Variants in CDH9 observed in about 807,000 individuals in gnomAD.
The protein encoded by CDH9 is cadherin-9.
Under a neutral mutation model 70.9 loss-of-function variants are expected in CDH9, and 28 were observed. The observed-to-expected ratio is 0.40, with a 90% CI of 0.29 to 0.54. CDH9 has a LOEUF of 0.54. Among genes scored for constraint, CDH9 ranks in the 20% least tolerant of loss-of-function variants. The pLI, the probability that CDH9 is intolerant of heterozygous loss-of-function variation, is 0.59. For synonymous variants in CDH9, 409 were observed against 343.1 expected, an observed-to-expected ratio of 1.19 and a Z score of -2.12; for missense variants, 874 against 984.4, an observed-to-expected ratio of 0.89 and a Z score of 1.50.
At position 26,881,638 on chromosome 5, in the gene CDH9, T is replaced by G; in HGVS notation, c.1883-15A>C. 2 of 1,589,422 alleles carry G rather than the reference T, an allele frequency of 1.3e-6. No homozygotes were observed. The highest frequency in any genetic ancestry group is 1.7e-6 in the Non-Finnish European group (2 of 1,172,752). ...CACGACTAAAACTATTAATAAGAAA[T>G]GGGAAAATAGTGAGATTTCATGAGT... On this transcript the variant is annotated splice_polypyrimidine_tract_variant and intron_variant, in intron 11 of 11. Transcript: ENST00000231021.
intron 2 of CDH9, among the ~76,000 whole-genome samples, chr5:26,927,078 G>T (rs969576502): frequency 6.6e-6 from 1 of 151,918 alleles, no homozygotes; most frequent in Non-Finnish European, 1.5e-5. Context: ...GTTTATTCCT[G>T]GGATGCAAGG....
At position 26,907,809 on chromosome 5, in the gene CDH9, A is replaced by T. The variant is rs1740976647; in HGVS notation, c.524-971T>A. Among the ~76,000 whole-genome samples, 3 of 152,208 alleles carry T rather than the reference A, an allele frequency of 2.0e-5. No homozygotes were observed. In the South Asian group the frequency reaches 6.2e-4, roughly 32 times the overall value. On this transcript the variant is annotated intron_variant, in intron 3 of 11. Coordinates refer to ENST00000231021, the MANE Select transcript of CDH9 (RefSeq NM_016279.4). ...TTTCAGTATATTTTACATAATTTCT[A>T]AAAGTTTGAGTCTCACTCTTACATA...
intron 11 of CDH9, among the ~76,000 whole-genome samples, chr5:26,884,815 T>G (rs565338923): frequency 5.3e-5 from 8 of 152,274 alleles, no homozygotes; most frequent in South Asian, 2.1e-4. Flanking sequence ...AACAATTTTT[T>G]GGGGAATGTT....
chr5:26,908,449 C>T (rs1311309899), intron 3 of CDH9, among the ~76,000 whole-genome samples: 1 of 151,954 alleles, frequency 6.6e-6, no homozygotes, highest in Non-Finnish European at 1.5e-5. Context: ...AATTATTAAG[C>T]ATTACCAATA....
chr5:26,998,773 G>A (rs1196574292), intron 1 of CDH9, among the ~76,000 whole-genome samples: 6 of 151,832 alleles, frequency 4.0e-5, no homozygotes, highest in African/African-American at 1.5e-4. Flanking sequence ...AGTTTTATAA[G>A]GGAAGGAGTA....
chr5:26,963,827 G>A (rs904768276), intron 2 of CDH9, among the ~76,000 whole-genome samples: 37 of 150,468 alleles, frequency 2.5e-4, no homozygotes, highest in African/African-American at 9.0e-4. Context: ...CAAAATAAGG[G>A]GGAAAATGTA....
intron 1 of CDH9, among the ~76,000 whole-genome samples, chr5:27,005,930 T>C (rs1434206244): frequency 6.6e-6 from 1 of 152,004 alleles, no homozygotes; most frequent in Non-Finnish European, 1.5e-5. Flanking sequence ...GAAAACCAAA[T>C]ATCACATGTT....
chr5:26,930,784 C>G (rs1741448982), intron 2 of CDH9, among the ~76,000 whole-genome samples: 1 of 151,932 alleles, frequency 6.6e-6, no homozygotes, highest in Non-Finnish European at 1.5e-5. Flanking sequence ...ATTAGGAAAA[C>G]CATAGAGTAA....
chr5:27,030,254 G>C (rs555546970), intron 1 of CDH9, among the ~76,000 whole-genome samples: 2 of 151,962 alleles, frequency 1.3e-5, no homozygotes, highest in Admixed American at 1.3e-4. Flanking sequence ...AGAGATGGGG[G>C]AGAGGAGAGG....
At chr5:26,975,031 T>C (rs1449884908) in intron 2 of CDH9, among the ~76,000 whole-genome samples, 6 of 152,048 alleles carry the variant, frequency 3.9e-5, no homozygotes, top group Non-Finnish European at 8.8e-5. Context: ...TATAATAGAA[T>C]AAAAAAACAG....
chr5:27,030,409 G>C (rs1253252871), intron 1 of CDH9, among the ~76,000 whole-genome samples: 1 of 151,514 alleles, frequency 6.6e-6, no homozygotes, highest in African/African-American at 2.4e-5. Flanking sequence ...AAAAGGAGAA[G>C]CACTTTTAGT....
At chr5:26,910,096 A>T (rs1243409317) in intron 3 of CDH9, among the ~76,000 whole-genome samples, 3 of 152,102 alleles carry the variant, frequency 2.0e-5, no homozygotes, top group African/African-American at 7.2e-5. Flanking sequence ...TCATATATAA[A>T]AGAAAAAACA....
intron 1 of CDH9, among the ~76,000 whole-genome samples, chr5:27,030,911 G>A (rs1191445502): frequency 6.6e-6 from 1 of 151,634 alleles, no homozygotes; most frequent in African/African-American, 2.4e-5. Flanking sequence ...TTTTTTTAGT[G>A]TATATGTTAT....
chr5:26,970,619 G>T (rs1742202857), intron 2 of CDH9, among the ~76,000 whole-genome samples: 1 of 152,014 alleles, frequency 6.6e-6, no homozygotes, highest in Non-Finnish European at 1.5e-5. Context: ...CTAAATGATT[G>T]CAACAACTCC....
At chr5:26,961,049 C>T (rs1742026753) in intron 2 of CDH9, among the ~76,000 whole-genome samples, 1 of 133,702 alleles carries the variant, frequency 7.5e-6, no homozygotes, top group Non-Finnish European at 1.8e-5. Context: ...CCTTGTCCTC[C>T]TTCTCTTAAA....
intron 1 of CDH9, among the ~76,000 whole-genome samples, chr5:26,988,894 CA>C (rs1742534578): frequency 6.6e-6 from 1 of 151,970 alleles, no homozygotes; most frequent in Admixed American, 6.6e-5. Flanking sequence ...AATGTTGCCT[CA>C]AGGCAAATTA....
At chr5:26,952,634 CAAAA>C (rs35876875) in intron 2 of CDH9, among the ~76,000 whole-genome samples, 1,657 of 57,808 alleles carry the variant, frequency 0.029, 30 homozygotes, top group African/African-American at 0.1. Flanking sequence ...GACTCCGTCT[CAAAA>C]AAAAAAAAAA....
At chr5:26,922,389 G>A (rs922069649) in intron 2 of CDH9, among the ~76,000 whole-genome samples, 1 of 152,102 alleles carries the variant, frequency 6.6e-6, no homozygotes, top group Non-Finnish European at 1.5e-5. Flanking sequence ...CCTGGCAACA[G>A]ATATCTCAGT....
intron 2 of CDH9, among the ~76,000 whole-genome samples, chr5:26,981,379 A>G (rs917372090): frequency 6.6e-6 from 1 of 152,076 alleles, no homozygotes; most frequent in South Asian, 2.1e-4. Context: ...TCTAAATGCA[A>G]TGTAAACAAT....
Sources: gnomAD v4.1 joint callset for allele counts (sites outside exome capture counted in the v4.1 genomes callset) on GRCh38, gnomAD v4.1.1 for gene constraint, MANE v1.5 for transcripts, NCBI Gene and HGNC (gene_info 2026-07-23, HGNC 2026-07-21) for gene names.